The following PKD2L1 variants were observed in gnomAD, a reference collection of about 807,000 sequenced individuals.
PKD2L1 encodes polycystin 2 like 1, transient receptor potential cation channel.
In PKD2L1, 77 loss-of-function variants were observed where a neutral mutation model predicts 93.0. That is an observed-to-expected ratio of 0.83 (90% confidence interval 0.69 to 1.00). The LOEUF (loss-of-function observed/expected upper bound fraction) is 1.00, where lower values mean the gene tolerates loss of function less well. PKD2L1 is among the 50% of genes least tolerant of loss of function. The pLI, the probability that PKD2L1 is intolerant of heterozygous loss-of-function variation, is 0.00. For synonymous variants in PKD2L1, 390 were observed against 388.0 expected (o/e 1.01, Z -0.06); for missense variants, 977 against 990.9 (o/e 0.99, Z 0.19).
At chr10:100,290,227 T>A in intron 13 of PKD2L1, 89 bp from the exon 14 acceptor site, 1 of 1,528,936 alleles carries the variant, frequency 6.5e-7, no homozygotes, top group Non-Finnish European at 9.0e-7. Flanking sequence ...GAAGGGCATG[T>A]GTCCTGAATG....
intron 2 of PKD2L1, among the ~76,000 whole-genome samples, chr10:100,313,331 A>G (rs1323283533): frequency 2.0e-5 from 3 of 152,220 alleles, no homozygotes; most frequent in Non-Finnish European, 1.5e-5. Flanking sequence ...AAAGGTGCCC[A>G]AGCTGGAGTC....
At chr10:100,295,627 G>A (rs560164662) in intron 7 of PKD2L1, among the ~76,000 whole-genome samples, 1 of 149,972 alleles carries the variant, frequency 6.7e-6, no homozygotes, top group Non-Finnish European at 1.5e-5. Context: ...CAGCTACTCA[G>A]GAGGCTGAGG....
rs1346965966 is a variant in PKD2L1 at position 100,293,346 on chromosome 10, AAT to A, written c.1691_1692del (p.Tyr564PhefsTer13). 2 of 1,613,436 alleles carry A rather than the reference AAT, an allele frequency of 1.2e-6. No individual in the cohort carries two copies. The highest frequency in any genetic ancestry group is 1.7e-6 in the Non-Finnish European group (2 of 1,179,370). On this transcript the variant is annotated frameshift_variant, in exon 10 of 16. Transcript: ENST00000318222. LOFTEE classifies it high-confidence loss of function. ...NMFLAIINDT[Y>X]SEVKEELAGQ... ...CCAGCCAGCTCCTCCTTGACCTCTG[AAT>A]ATGTGTCATTGATGATGGCCAGGAA...
In PKD2L1 at chr10:100,296,988, C is replaced by T. The variant is rs2278842; in HGVS notation, c.1177G>A (p.Val393Ile). Residue 393 changes from valine to isoleucine, a missense_variant, in exon 6 of 16, where the codon GTC becomes ATC. By Grantham distance (29) the Val-to-Ile change is conservative. Transcript: ENST00000318222. ...SSIWNILDLVVILLSIVAVGF... is the reference protein window; with the variant it reads ...SSIWNILDLVIILLSIVAVGF... ...AGATATCTGTCCCTCACCAAGATGA[C>T]CACCAGGTCCAGTATGTTCCAGATG... 189,526 of 1,608,954 alleles carry T rather than the reference C, an allele frequency of 0.12. 11,510 individuals are homozygous for T. Among genetic ancestry groups the T allele is most frequent in the Admixed American group, 0.15 (8,755 of 59,956 alleles).
rs776404604 is a variant in PKD2L1, at chr10:100,290,453, C to T, written c.2074G>A (p.Gly692Ser). 5 of 1,613,756 alleles carry T rather than the reference C, an allele frequency of 3.1e-6. No individual in the cohort carries two copies. Among genetic ancestry groups the T allele is most frequent in the Non-Finnish European group, 4.2e-6 (5 of 1,180,012 alleles). Residue 692 changes from glycine to serine, a missense_variant, in exon 13 of 16, where the codon GGT becomes AGT. By Grantham distance (56) the Gly-to-Ser change is moderately conservative (BLOSUM62 0). Coordinates refer to ENST00000318222, the MANE Select transcript of PKD2L1 (RefSeq NM_016112.3). ...CCTCCTGCTCTGGCAGCCTCTGGAC[C>T]CGATTTGCCTTGTGGGCTGCTCACA... The part of the protein sequence containing the change: ...SIVSSPQGKS[G>S]PEAARAGGWV...
intron 13 of PKD2L1, 53 bp downstream of exon 13, chr10:100,290,348 A>G: frequency 7.6e-7 from 1 of 1,318,758 alleles, no homozygotes; most frequent in Non-Finnish European, 1.1e-6. Flanking sequence ...AAGACAGGGT[A>G]TCGTAATAGA....
At chr10:100,308,091 A>T (rs1017646870) in intron 2 of PKD2L1, among the ~76,000 whole-genome samples, 1 of 152,188 alleles carries the variant, frequency 6.6e-6, no homozygotes, top group Non-Finnish European at 1.5e-5. Context: ...TTCATGTCAA[A>T]TGTAGAGAGT....
intron 2 of PKD2L1, among the ~76,000 whole-genome samples, chr10:100,308,137 C>A (rs11597936): frequency 1.3e-5 from 2 of 151,786 alleles, no homozygotes; most frequent in Non-Finnish European, 2.9e-5. Flanking sequence ...AAATTAAATT[C>A]TTCTGTACAC....
Position 100,290,401 on chromosome 10 carries a change from A to G in PKD2L1, c.2126T>C (p.Met709Thr). Residue 709 changes from methionine (M) to threonine (T), a missense_variant and splice_region_variant, in exon 13 of 16, where the codon ATG (methionine) becomes ACG (threonine). Transcript: ENST00000318222. Reference sequence around the variant, plus strand: ...ACCAGCCTTTCTTGGCTGCACGTACATGTAGAATTCTTCTCCTGAAACCCA... The same window carrying G: ...ACCAGCCTTTCTTGGCTGCACGTACGTGTAGAATTCTTCTCCTGAAACCCA... ...GGWVSGEEFY[M>T]LTRRVLQLET... 3.1e-6 allele frequency: 5 copies of G among 1,598,362 alleles called. No homozygotes were observed. Among genetic ancestry groups the G allele is most frequent in the South Asian group, 1.1e-5 (1 of 90,818 alleles).
chr10:100,300,816 AT>A (rs1252617663), intron 2 of PKD2L1, among the ~76,000 whole-genome samples: 1 of 151,244 alleles, frequency 6.6e-6, no homozygotes, highest in African/African-American at 2.4e-5. Flanking sequence ...CAAACTGTGT[AT>A]TTTTTGCCTG....
At chr10:100,307,180 A>G (rs1236478591) in intron 2 of PKD2L1, among the ~76,000 whole-genome samples, 2 of 152,204 alleles carry the variant, frequency 1.3e-5, no homozygotes, top group Admixed American at 6.5e-5. Context: ...AGTGCTTGAC[A>G]TGCTTATTTC....
intron 2 of PKD2L1, among the ~76,000 whole-genome samples, chr10:100,305,234 C>A (rs1215426095): frequency 6.6e-6 from 1 of 151,592 alleles, no homozygotes; most frequent in Non-Finnish European, 1.5e-5. Flanking sequence ...GCCTCAGGCT[C>A]CTGAGTAGCT....
intron 5 of PKD2L1, 87 bp from the exon 6 acceptor site, chr10:100,297,295 G>T (rs953453119): frequency 7.8e-5 from 121 of 1,542,748 alleles, no homozygotes; most frequent in Admixed American, 2.5e-4. Context: ...CCCACCACAG[G>T]GTAGGAGTTT....
chr10:100,314,994 GGAAGGAAGGAA>G (rs1462205823), intron 2 of PKD2L1, among the ~76,000 whole-genome samples: 6 of 13,506 alleles, frequency 4.4e-4, no homozygotes, highest in South Asian at 6.9e-3. Flanking sequence ...AAGGAAGGAA[GGAAGGAAGGAA>G]GGAAGGAAGG....
At chr10:100,288,704 G>A (rs952671257) in intron 15 of PKD2L1, among the ~76,000 whole-genome samples, 1 of 151,802 alleles carries the variant, frequency 6.6e-6, no homozygotes, top group Non-Finnish European at 1.5e-5. Flanking sequence ...AACACACAGA[G>A]CTAAGTACAC....
intron 2 of PKD2L1, among the ~76,000 whole-genome samples, chr10:100,328,186 G>T (rs980606027): frequency 6.6e-6 from 1 of 152,206 alleles, no homozygotes; most frequent in Non-Finnish European, 1.5e-5. Flanking sequence ...ATACAAAGTT[G>T]CTGTCATTAC....
chr10:100,297,855 A>G (rs1400629484), intron 4 of PKD2L1, among the ~76,000 whole-genome samples: 1 of 152,110 alleles, frequency 6.6e-6, no homozygotes, highest in Non-Finnish European at 1.5e-5. Context: ...CAGAAGAGGA[A>G]ACTATGAAAG....
intron 2 of PKD2L1, among the ~76,000 whole-genome samples, chr10:100,323,098 T>C (rs752295756): frequency 3.9e-5 from 6 of 152,184 alleles, no homozygotes; most frequent in Non-Finnish European, 7.3e-5. Flanking sequence ...GTGGTGGCGG[T>C]TGTGATAAAC....
At chr10:100,302,835 G>A (rs1168703280) in intron 2 of PKD2L1, among the ~76,000 whole-genome samples, 1 of 152,192 alleles carries the variant, frequency 6.6e-6, no homozygotes, top group East Asian at 1.9e-4. Context: ...GCTGTCAGTG[G>A]TATAATTGGT....
Sources: allele counts gnomAD v4.1 joint callset (sites outside exome capture counted in the v4.1 genomes callset), GRCh38; gene constraint gnomAD v4.1.1; transcripts MANE v1.5; gene names NCBI Gene and HGNC (gene_info 2026-07-23, HGNC 2026-07-21).